The following AFG2A variants were observed in gnomAD, a reference collection of about 807,000 sequenced individuals.
AFG2A encodes ATPase family gene 2 protein homolog A.
At chr4:123,194,018 A>G in the AFG2A span, among the ~76,000 whole-genome samples, 1 of 152,198 alleles carries the variant, frequency 6.6e-6, no homozygotes, top group Non-Finnish European at 1.5e-5. Flanking sequence ...AATAAGGAAC[A>G]TGTTCTTCCA....
chr4:123,202,385 G>T, the AFG2A span, among the ~76,000 whole-genome samples: 2 of 152,074 alleles, frequency 1.3e-5, no homozygotes, highest in Non-Finnish European at 2.9e-5. Context: ...AAAAGGATGT[G>T]ATTTTATGTC....
the AFG2A span, among the ~76,000 whole-genome samples, chr4:122,944,682 A>G: frequency 5.9e-5 from 9 of 151,278 alleles, no homozygotes; most frequent in Non-Finnish European, 1.3e-4. Flanking sequence ...CTGGTGAGGA[A>G]CTGCGTTCCT....
the AFG2A span, among the ~76,000 whole-genome samples, chr4:123,204,411 T>C: frequency 1.3e-5 from 2 of 152,324 alleles, no homozygotes; most frequent in South Asian, 4.1e-4. Flanking sequence ...AGTAGGTATG[T>C]AGTGATACCT....
chr4:123,237,966 C>T, the AFG2A span, among the ~76,000 whole-genome samples: 1 of 152,188 alleles, frequency 6.6e-6, no homozygotes, highest in African/African-American at 2.4e-5. Flanking sequence ...TCGCTACACT[C>T]CTGCCCAAAT....
the AFG2A span, among the ~76,000 whole-genome samples, chr4:123,275,219 G>A: frequency 9.2e-5 from 14 of 152,122 alleles, no homozygotes; most frequent in Admixed American, 5.2e-4. Flanking sequence ...CACTTTTCTG[G>A]TAAATGATTT....
the AFG2A span, among the ~76,000 whole-genome samples, chr4:123,292,167 C>T: frequency 3.3e-5 from 5 of 152,114 alleles, no homozygotes; most frequent in African/African-American, 1.2e-4. Flanking sequence ...GTTTTTAAAA[C>T]TTTGCATTGC....
At chr4:123,292,004 G>A in the AFG2A span, among the ~76,000 whole-genome samples, 2 of 152,214 alleles carry the variant, frequency 1.3e-5, no homozygotes, top group South Asian at 4.1e-4. Flanking sequence ...GAACACTTAT[G>A]ATTCTTAGGT....
At chr4:122,938,401 A>G in the AFG2A span, 12 of 974,254 alleles carry the variant, frequency 1.2e-5, 1 homozygote, top group South Asian at 4.6e-4. Flanking sequence ...TCTGTAAAAT[A>G]ATTTGCTTTA....
chr4:123,233,279 G>GCACACACA, the AFG2A span, among the ~76,000 whole-genome samples: 41 of 147,116 alleles, frequency 2.8e-4, no homozygotes, highest in South Asian at 7.0e-3. Context: ...ACACACACAC[G>GCACACACA]CACACACACA....
the AFG2A span, among the ~76,000 whole-genome samples, chr4:123,115,954 C>T: frequency 5.9e-5 from 9 of 152,122 alleles, no homozygotes; most frequent in African/African-American, 2.2e-4. Context: ...GGCTGGAGTT[C>T]AGTGGGGCAA....
the AFG2A span, among the ~76,000 whole-genome samples, chr4:123,074,981 T>C: frequency 1.3e-5 from 2 of 152,224 alleles, no homozygotes; most frequent in Non-Finnish European, 2.9e-5. Flanking sequence ...TCTTGCTTTG[T>C]CGCCCAGGCT....
the AFG2A span, among the ~76,000 whole-genome samples, chr4:123,045,859 G>A: frequency 3.3e-5 from 5 of 152,052 alleles, no homozygotes; most frequent in Non-Finnish European, 7.4e-5. Flanking sequence ...ACTTTGCGGG[G>A]CTGAGATGGG....
the AFG2A span, among the ~76,000 whole-genome samples, chr4:123,070,618 T>G: frequency 6.6e-6 from 1 of 152,200 alleles, no homozygotes; most frequent in African/African-American, 2.4e-5. Flanking sequence ...ACATGAGGGC[T>G]CCACCTTCAT....
chr4:123,283,050 A>T, the AFG2A span, among the ~76,000 whole-genome samples: 364 of 152,262 alleles, frequency 2.4e-3, 3 homozygotes, highest in Non-Finnish European at 4.5e-3. Flanking sequence ...TCTAGGTCAG[A>T]TGCTCCATAA....
At chr4:123,102,294 A>C in the AFG2A span, 6 of 50,586 alleles carry the variant, frequency 1.2e-4, no homozygotes, top group East Asian at 2.7e-3. Flanking sequence ...TGTGATTTTC[A>C]GAAAAAAAAA....
the AFG2A span, among the ~76,000 whole-genome samples, chr4:122,978,882 G>C: frequency 6.6e-6 from 1 of 152,232 alleles, no homozygotes; most frequent in African/African-American, 2.4e-5. Flanking sequence ...GTTTTTCTGG[G>C]ACTGGGGAGA....
At chr4:123,237,824 T>G in the AFG2A span, among the ~76,000 whole-genome samples, 1 of 151,998 alleles carries the variant, frequency 6.6e-6, no homozygotes, top group Non-Finnish European at 1.5e-5. Context: ...TTGGGACTGG[T>G]TGGACAGTGG....
At chr4:123,166,330 C>T in the AFG2A span, among the ~76,000 whole-genome samples, 3 of 152,194 alleles carry the variant, frequency 2.0e-5, no homozygotes, top group Admixed American at 6.5e-5. Flanking sequence ...ACATCTTTCT[C>T]TCGTGCTTTA....
At chr4:123,050,776 G>A in the AFG2A span, among the ~76,000 whole-genome samples, 1,279 of 148,438 alleles carry the variant, frequency 8.6e-3, 14 homozygotes, top group African/African-American at 0.028. Flanking sequence ...TCGCTCTTTC[G>A]CCCTTTCGCC....
Sources: allele counts gnomAD v4.1 joint callset (sites outside exome capture counted in the v4.1 genomes callset), GRCh38; gene constraint gnomAD v4.1.1; transcripts MANE v1.5; gene names NCBI Gene and HGNC (gene_info 2026-07-23, HGNC 2026-07-21).